RBM47: variants seen among roughly 807,000 people sequenced by gnomAD.
RBM47 encodes RNA-binding protein 47.
In RBM47, 21 loss-of-function variants were observed where a neutral mutation model predicts 47.1. The observed-to-expected ratio is 0.45, with a 90% CI of 0.32 to 0.64. The LOEUF (loss-of-function observed/expected upper bound fraction) is 0.64. RBM47 is among the 30% of genes least tolerant of loss of function. The pLI is 0.05. For synonymous variants in RBM47, 375 were observed against 361.7 expected, an observed-to-expected ratio of 1.04 and a Z score of -0.42; for missense variants, 708 against 870.9, an observed-to-expected ratio of 0.81 and a Z score of 2.35.
chr4:40,520,900 T>A (rs998784556), intron 2 of RBM47, among the ~76,000 whole-genome samples: 5 of 152,160 alleles, frequency 3.3e-5, no homozygotes, highest in African/African-American at 1.2e-4. Context: ...GTTCTCAAAG[T>A]GAGGTCCCTG....
chr4:40,494,202 C>T (rs561969059), intron 2 of RBM47, among the ~76,000 whole-genome samples: 23 of 152,192 alleles, frequency 1.5e-4, no homozygotes, highest in Admixed American at 1.2e-3. Context: ...TTATAATACA[C>T]GGCAGAATGG....
intron 3 of RBM47, among the ~76,000 whole-genome samples, chr4:40,451,759 G>A (rs896715549): frequency 3.3e-5 from 5 of 152,142 alleles, no homozygotes; most frequent in Admixed American, 6.5e-5. Context: ...TCATTCCCTC[G>A]CTCATTCAAA....
rs78274469 is a variant in RBM47, at chr4:40,576,264, G to T, written c.-239-31758C>A. On this transcript the variant is annotated intron_variant, in intron 1 of 6. Transcript: ENST00000295971. ...TGTTTTTTTTTTTTTTTTGGGGGGG[G>T]GCGGAGACAGGGTCTCCCCCTGTCA... Among the ~76,000 whole-genome samples the T allele has an allele frequency of 3.4e-4, 46 of 135,864 alleles. 1 individual carries two copies. Among genetic ancestry groups the T allele is most frequent in the Middle Eastern group, 7.2e-3 (2 of 278 alleles). 89.1% of individuals were successfully genotyped at this position (135,864 alleles called of 152,430 possible). A position where few individuals can be genotyped will look rare whatever the true frequency, so the allele number is the denominator to read the frequency against.
At chr4:40,513,582 A>G (rs1319284146) in intron 2 of RBM47, among the ~76,000 whole-genome samples, 3 of 152,210 alleles carry the variant, frequency 2.0e-5, no homozygotes, top group Admixed American at 6.5e-5. Flanking sequence ...GCTAGATTAT[A>G]AAGACTTAGT....
intron 2 of RBM47, among the ~76,000 whole-genome samples, chr4:40,535,371 C>CTTTTTTTTTTTTTTTTTCCTTTT (rs1553897873): frequency 9.7e-6 from 1 of 103,458 alleles, no homozygotes; most frequent in Non-Finnish European, 1.9e-5. Context: ...TATGGTATTT[C>CTTTTTTTTTTTTTTTTTCCTTTT]TTTTTTTTTT....
At chr4:40,452,767 T>A (rs1308665463) in intron 3 of RBM47, among the ~76,000 whole-genome samples, 1 of 151,744 alleles carries the variant, frequency 6.6e-6, no homozygotes, top group Non-Finnish European at 1.5e-5. Flanking sequence ...TTGGTTATCA[T>A]AAACTCCTCA....
intron 1 of RBM47, among the ~76,000 whole-genome samples, chr4:40,577,558 G>T (rs1732460595): frequency 6.7e-6 from 1 of 150,322 alleles, no homozygotes; most frequent in African/African-American, 2.5e-5. Context: ...AAAAAAGGAT[G>T]TTCCTCTCTG....
chr4:40,438,581 C>T lies in RBM47; in HGVS notation c.313G>A (p.Asp105Asn). Residue 105 changes from aspartate to asparagine, a missense_variant, in exon 4 of 7, where the codon GAC (aspartate) becomes AAC (asparagine). Transcript: ENST00000295971. ...TAGCCGCGGTTCTTGCCGTCAAAGT[C>T]CATCATGAGGCGCAGCTCGTAGATG... The part of the protein sequence containing the change: ...GRIYELRLMM[D>N]FDGKNRGYAF... The T allele has an allele frequency of 6.2e-7, 1 of 1,613,992 alleles. No homozygotes were observed. The highest frequency in any genetic ancestry group is 8.5e-7 in the Non-Finnish European group (1 of 1,179,986).
intron 2 of RBM47, among the ~76,000 whole-genome samples, chr4:40,505,890 AAAAAC>A (rs140844726): frequency 0.8 from 119,133 of 149,820 alleles, 47,891 homozygotes; most frequent in East Asian, 0.9. Context: ...CTGTCTCAAA[AAAAAC>A]AAAACAAAAC....
chr4:40,562,175 G>C (rs1730694424), intron 1 of RBM47, among the ~76,000 whole-genome samples: 1 of 152,174 alleles, frequency 6.6e-6, no homozygotes, highest in South Asian at 2.1e-4. Context: ...CACCTGGTCT[G>C]CTGGACTCTA....
intron 1 of RBM47, among the ~76,000 whole-genome samples, chr4:40,554,741 A>ATC (rs1344224970): frequency 6.9e-6 from 1 of 144,466 alleles, no homozygotes; most frequent in Non-Finnish European, 1.5e-5. Context: ...CCTTCCCCCC[A>ATC]TCTCTCTCTC....
chr4:40,624,403 TGACCAAAC>T, intron 1 of RBM47, among the ~76,000 whole-genome samples: 1 of 152,180 alleles, frequency 6.6e-6, no homozygotes, highest in South Asian at 2.1e-4. Context: ...TCTCACCACA[TGACCAAAC>T]GTTGCTGATT....
At chr4:40,459,532 C>T (rs1431246878) in intron 3 of RBM47, among the ~76,000 whole-genome samples, 1 of 151,960 alleles carries the variant, frequency 6.6e-6, no homozygotes, top group Non-Finnish European at 1.5e-5. Flanking sequence ...TGCCACTGCA[C>T]TCCAGCCTGG....
intron 1 of RBM47, among the ~76,000 whole-genome samples, chr4:40,561,769 C>T (rs1020572489): frequency 4.6e-5 from 7 of 151,992 alleles, no homozygotes; most frequent in Non-Finnish European, 7.4e-5. Flanking sequence ...AAGCTGGTCT[C>T]GAACTCCTGC....
intron 2 of RBM47, among the ~76,000 whole-genome samples, chr4:40,488,516 T>C (rs1384127551): frequency 6.6e-6 from 1 of 152,186 alleles, no homozygotes; most frequent in Non-Finnish European, 1.5e-5. Context: ...CATTGTAATA[T>C]GGGTGGATGA....
chr4:40,587,064 G>A (rs1386598304), intron 1 of RBM47, among the ~76,000 whole-genome samples: 1 of 152,158 alleles, frequency 6.6e-6, no homozygotes, highest in African/African-American at 2.4e-5. Context: ...ACTCAAATGT[G>A]TGATACAGGC....
At chr4:40,538,154 A>G (rs1351513721) in intron 2 of RBM47, among the ~76,000 whole-genome samples, 1 of 152,174 alleles carries the variant, frequency 6.6e-6, no homozygotes, top group Non-Finnish European at 1.5e-5. Context: ...ACTGACGTCA[A>G]ATTTGATCAG....
At chr4:40,519,297 CTTTT>C (rs374404085) in intron 2 of RBM47, among the ~76,000 whole-genome samples, 1 of 130,092 alleles carries the variant, frequency 7.7e-6, no homozygotes, top group Non-Finnish European at 1.6e-5. Context: ...CTCCTTCAAT[CTTTT>C]TTTTTTTTTT....
At chr4:40,519,314 TGAGATGGAGTTTCACTC>T (rs1725941703) in intron 2 of RBM47, among the ~76,000 whole-genome samples, 1 of 150,760 alleles carries the variant, frequency 6.6e-6, no homozygotes, top group African/African-American at 2.4e-5. Flanking sequence ...TTTTTTTTTT[TGAGATGGAGTTTCACTC>T]TTGTTGCCCA....
Sources: gnomAD v4.1 joint callset for allele counts (sites outside exome capture counted in the v4.1 genomes callset) on GRCh38, gnomAD v4.1.1 for gene constraint, MANE v1.5 for transcripts, NCBI Gene and HGNC (gene_info 2026-07-23, HGNC 2026-07-21) for gene names.